The following NCAPD3 variants were observed in gnomAD, a reference collection of about 807,000 sequenced individuals.
NCAPD3 encodes non-SMC condensin II complex subunit D3, also known as condensin-2 complex subunit D3.
Under a neutral mutation model 182.9 loss-of-function variants are expected in NCAPD3, and 105 were observed. The ratio of observed to expected loss-of-function variants is 0.57; its 90% CI spans 0.49 to 0.68. NCAPD3 has a LOEUF of 0.68. NCAPD3 is among the 30% of genes least tolerant of loss of function. NCAPD3 has a pLI of 0.00. For synonymous variants in NCAPD3, 815 were observed against 679.9 expected, an observed-to-expected ratio of 1.20 and a Z score of -3.09; for missense variants, 1,944 against 1,837.0, an observed-to-expected ratio of 1.06 and a Z score of -1.07.
At chr11:134,223,756 G>T in intron 1 of NCAPD3, 107 bp downstream of exon 1, 1 of 1,352,424 alleles carries the variant, frequency 7.4e-7, no homozygotes. Context: ...CGACAGCCGG[G>T]CGCCCCCACC....
chr11:134,223,998 T>A (rs984746188), upstream of NCAPD3: 27 of 1,554,786 alleles, frequency 1.7e-5, no homozygotes, highest in Non-Finnish European at 2.4e-5. Flanking sequence ...CGCCGAGTCG[T>A]TCCTGTGGAC....
At chr11:134,219,542 T>A (rs1938152521) in intron 2 of NCAPD3, among the ~76,000 whole-genome samples, 3 of 152,216 alleles carry the variant, frequency 2.0e-5, no homozygotes, top group Non-Finnish European at 4.4e-5. Context: ...GCTGAAGGAA[T>A]GTTTAATTAG....
chr11:134,218,109 A>AG (rs1565560052), intron 2 of NCAPD3, among the ~76,000 whole-genome samples: 7 of 59,740 alleles, frequency 1.2e-4, no homozygotes, highest in Admixed American at 3.5e-4. Context: ...AAAAAAAAAA[A>AG]AGGGGGGGGG....
At chr11:134,224,129 A>G (rs1427102715), upstream of NCAPD3, 2 of 630,524 alleles carry the variant, frequency 3.2e-6, no homozygotes, top group Admixed American at 2.9e-5. Flanking sequence ...CGAAAAGTGG[A>G]AGCCAAACAA....
chr11:134,211,984 A>C (rs1371488697), intron 3 of NCAPD3, among the ~76,000 whole-genome samples: 1 of 152,220 alleles, frequency 6.6e-6, no homozygotes, highest in Non-Finnish European at 1.5e-5. Context: ...ATAAGTCCAC[A>C]GATCCAAGAA....
chr11:134,176,211 T>C, intron 24 of NCAPD3, 96 bp downstream of exon 24: 1 of 1,100,898 alleles, frequency 9.1e-7, no homozygotes, highest in Non-Finnish European at 1.3e-6. Flanking sequence ...CACTAAATCC[T>C]ACTTAACTCT....
At chr11:134,221,832 T>G (rs1177360673) in intron 1 of NCAPD3, among the ~76,000 whole-genome samples, 1 of 152,218 alleles carries the variant, frequency 6.6e-6, no homozygotes, top group Non-Finnish European at 1.5e-5. Flanking sequence ...TTTTGTCACT[T>G]GAACTTGACC....
At chr11:134,223,805 T>C in intron 1 of NCAPD3, 58 bp downstream of exon 1, 2 of 1,459,788 alleles carry the variant, frequency 1.4e-6, no homozygotes, top group Non-Finnish European at 1.9e-6. Flanking sequence ...TTAGGCATCG[T>C]CGGGGACGCA....
In NCAPD3 at chr11:134,158,446, G is replaced by A; in HGVS notation, c.3917C>T (p.Pro1306Leu). 1 of 1,614,194 alleles carries A rather than the reference G, an allele frequency of 6.2e-7. No individual in the cohort carries two copies. The highest frequency in any genetic ancestry group is 8.5e-7 in the Non-Finnish European group (1 of 1,180,040). The part of the protein sequence containing the change: ...TVPVPAGQEN[P>L]AMSPAVSQPC... ...CTGGCTCACGGCAGGTGACATGGCA[G>A]GGTTTTCTTGGCCAGCAGGAACTGG... The change falls in exon 30 of 35, where the codon CCT becomes CTT. Residue 1306 changes from proline (P) to leucine (L), a missense_variant. This residue lies in a region of NCAPD3 where 1,803 missense variants were observed against 1,674.6 expected (regional missense o/e 1.08). Coordinates refer to ENST00000534548, the MANE Select transcript of NCAPD3 (RefSeq NM_015261.3).
intron 32 of NCAPD3, 37 bp from the exon 33 acceptor site, chr11:134,153,400 G>T (rs745422359): frequency 6.2e-7 from 1 of 1,604,494 alleles, no homozygotes; most frequent in South Asian, 1.1e-5. Flanking sequence ...TGAAAGCCGC[G>T]TGGTCTATCG....
At chr11:134,163,212 G>A (rs1315369749) in intron 27 of NCAPD3, among the ~76,000 whole-genome samples, 4 of 152,150 alleles carry the variant, frequency 2.6e-5, no homozygotes, top group East Asian at 3.8e-4. Flanking sequence ...GATTTCACTA[G>A]TGAAGTATAA....
intron 16 of NCAPD3, among the ~76,000 whole-genome samples, chr11:134,189,775 T>A (rs1177308181): frequency 6.6e-6 from 1 of 152,214 alleles, no homozygotes; most frequent in Non-Finnish European, 1.5e-5. Context: ...TCCTTTATCA[T>A]TATAAGTAAC....
chr11:134,158,246 C>G lies in NCAPD3; in HGVS notation c.4034+83G>C, dbSNP rs1314827172. 1.9e-6 allele frequency: 3 copies of G among 1,567,224 alleles called. No individual in the cohort carries two copies. In the African/African-American group the frequency reaches 4.0e-5, roughly 21 times the overall value. ...CCAGACAATGACAATGACTTTCCTG[C>G]CCACGCTTGGGAATGGCAGGGACGC... On this transcript the variant is annotated intron_variant, in intron 30 of 34. Transcript: ENST00000534548.
At chr11:134,174,932 T>C (rs1027471888) in intron 24 of NCAPD3, among the ~76,000 whole-genome samples, 1 of 152,172 alleles carries the variant, frequency 6.6e-6, no homozygotes, top group Non-Finnish European at 1.5e-5. Flanking sequence ...TTAGCAAATG[T>C]AGTCATCAGC....
chr11:134,185,614 T>C, intron 16 of NCAPD3, 88 bp from the exon 17 acceptor site: 1 of 1,112,018 alleles, frequency 9.0e-7, no homozygotes, highest in Non-Finnish European at 1.3e-6. Context: ...GGGTATCAAC[T>C]TCTGCTGCTC....
rs1432069953 is a variant in NCAPD3, at chr11:134,217,016, T to G, written c.302A>C (p.His101Pro). Residue 101 changes from histidine to proline, a missense_variant, in exon 3 of 35, where the codon CAT (histidine) becomes CCT (proline). By Grantham distance (77) the His-to-Pro change is moderately conservative. Around this residue, in one of 3 missense-constraint regions of NCAPD3, gnomAD observed 131 missense variants for 133.9 expected, o/e 0.98. Transcript: ENST00000534548. ...ALFYHFVQIV[H>P]KKNVSVQYRE... ...ATACTGTACACTGACATTCTTCTTATGAACTATTTGAACAAAATGATAGAA... is the reference window on the plus strand; with the variant it reads ...ATACTGTACACTGACATTCTTCTTAGGAACTATTTGAACAAAATGATAGAA... 6.2e-7 allele frequency: 1 copy of G among 1,613,878 alleles called. No homozygotes were observed. The highest frequency in any genetic ancestry group is 1.3e-5 in the African/African-American group (1 of 74,944).
At chr11:134,188,424 C>T (rs930885955) in intron 16 of NCAPD3, among the ~76,000 whole-genome samples, 30 of 152,228 alleles carry the variant, frequency 2.0e-4, no homozygotes, top group Non-Finnish European at 3.8e-4. Context: ...AGCAGCAACC[C>T]GCTCGGGTCC....
intron 2 of NCAPD3, among the ~76,000 whole-genome samples, chr11:134,218,190 C>T (rs1938101205): frequency 1.3e-5 from 2 of 151,440 alleles, no homozygotes; most frequent in African/African-American, 4.9e-5. Flanking sequence ...CTCCACTTCA[C>T]ACACGAGGGT....
chr11:134,199,232 G>C (rs1009858746), intron 13 of NCAPD3, among the ~76,000 whole-genome samples: 2 of 152,138 alleles, frequency 1.3e-5, no homozygotes, highest in African/African-American at 4.8e-5. Context: ...ATATGACTCT[G>C]ACATAAAAAT....
Sources: gnomAD v4.1 joint callset for allele counts (sites outside exome capture counted in the v4.1 genomes callset) on GRCh38, gnomAD v4.1.1 for gene constraint, gnomAD v4.1.1 regional missense constraint, MANE v1.5 for transcripts, NCBI Gene and HGNC (gene_info 2026-07-23, HGNC 2026-07-21) for gene names.